PHKG2: variants seen among roughly 807,000 people sequenced by gnomAD.
PHKG2 encodes the protein phosphorylase kinase catalytic subunit gamma 2.
Under a neutral mutation model 44.5 loss-of-function variants are expected in PHKG2, and 28 were observed. The ratio of observed to expected loss-of-function variants is 0.63; its 90% CI spans 0.47 to 0.86. The LOEUF (loss-of-function observed/expected upper bound fraction) is 0.86. Ranked by LOEUF, PHKG2 falls within the 40% of genes least tolerant of loss-of-function variation. The pLI is 0.00. For missense variants in PHKG2, 498 were observed against 547.5 expected, an observed-to-expected ratio of 0.91 and a Z score of 0.90; for synonymous variants, 220 against 211.2, an observed-to-expected ratio of 1.04 and a Z score of -0.36.
chr16:30,753,622 C>T, intron 6 of PHKG2, 65 bp downstream of exon 6: 1 of 1,534,782 alleles, frequency 6.5e-7, no homozygotes. Flanking sequence ...GATTGGTTGG[C>T]TGGGTCTGAG....
intron 2 of PHKG2, 92 bp from the exon 3 acceptor site, chr16:30,751,014 T>G: frequency 7.4e-7 from 1 of 1,354,666 alleles, no homozygotes. Flanking sequence ...CTTCAGAGTC[T>G]GGCACAGCGG....
At chr16:30,756,563 G>T (rs1353967400) in intron 8 of PHKG2, 27 bp from the exon 9 acceptor site, 1 of 1,613,196 alleles carries the variant, frequency 6.2e-7, no homozygotes, top group Non-Finnish European at 8.5e-7. Context: ...CCCAAGAGCT[G>T]CCCCTCATGC....
At chr16:30,755,362 T>A (rs1418184946) in intron 6 of PHKG2, 2 of 157,792 alleles carry the variant, frequency 1.3e-5, no homozygotes, top group Non-Finnish European at 2.8e-5. Flanking sequence ...AACAAAGGAC[T>A]TACCCATTAT....
chr16:30,760,462 G>A lies in PHKG2; in HGVS notation c.*3365G>A. On this transcript the variant is annotated 3_prime_UTR_variant, in exon 10 of 10. Transcript: ENST00000563588. ...GCAGCTCAGCCAGCACCCTTGGGAG[G>A]GAGAGAGGAGTGAGTGACAACTGGG... is the stretch of plus-strand genomic sequence containing the variant. The A allele has an allele frequency of 6.2e-7, 1 of 1,613,624 alleles. No individual in the cohort carries two copies. Among genetic ancestry groups the A allele is most frequent in the Non-Finnish European group, 8.5e-7 (1 of 1,179,686 alleles).
intron 1 of PHKG2, 110 bp from the exon 2 acceptor site, chr16:30,748,693 C>CCCCA: frequency 2.2e-6 from 1 of 448,666 alleles, no homozygotes; most frequent in Non-Finnish European, 4.3e-6. Context: ...CCCCCACCCC[C>CCCCA]CAGGACCCTG....
intron 6 of PHKG2, among the ~76,000 whole-genome samples, chr16:30,753,894 A>G (rs1279892094): frequency 6.6e-6 from 1 of 152,194 alleles, no homozygotes; most frequent in Non-Finnish European, 1.5e-5. Flanking sequence ...TGGGGTCTGG[A>G]GTGCAGGACC....
At chr16:30,754,520 C>CA (rs1245532014) in intron 6 of PHKG2, among the ~76,000 whole-genome samples, 9 of 152,188 alleles carry the variant, frequency 5.9e-5, no homozygotes, top group African/African-American at 2.2e-4. Context: ...CCCTGTGTGA[C>CA]AGACAGTATT....
At position 30,759,485 on chromosome 16, in the gene PHKG2, C is replaced by G. The variant is rs763008720; in HGVS notation, c.*2388C>G. On this transcript the variant is annotated 3_prime_UTR_variant, in exon 10 of 10. Coordinates refer to ENST00000563588, the MANE Select transcript of PHKG2 (RefSeq NM_000294.3). ...TGTGGTGGTGACTCGGAATTAGAAC[C>G]CTGACTACCTTCCGGAGCCCTGGCT... 6 of 1,614,044 alleles carry G rather than the reference C, an allele frequency of 3.7e-6. No homozygotes were observed. The South Asian group carries it at 4.4e-5, about 12-fold the overall frequency.
chr16:30,758,441 T>C lies in PHKG2; in HGVS notation c.*1344T>C, dbSNP rs2053521994. The stretch of plus-strand genomic sequence containing the variant: ...AACATGCAGGTTTGCTACGTAGGTA[T>C]ACATGGGCCATGGTGGTTTGCTTTA... On this transcript the variant is annotated 3_prime_UTR_variant, in exon 10 of 10. Transcript: ENST00000563588. 1 of 160,376 alleles carries C rather than the reference T, an allele frequency of 6.2e-6. No individual in the cohort carries two copies. Among genetic ancestry groups the C allele is most frequent in the South Asian group, 1.6e-4 (1 of 6,156 alleles). The allele number at this position is 160,376 out of a possible 1,614,324, so 9.9% of individuals were successfully genotyped here. A position where few individuals can be genotyped will look rare whatever the true frequency, so the allele number is the denominator to read the frequency against.
intron 2 of PHKG2, among the ~76,000 whole-genome samples, chr16:30,749,536 G>T (rs2053317669): frequency 6.6e-6 from 1 of 151,848 alleles, no homozygotes; most frequent in South Asian, 2.1e-4. Context: ...GTAGAGGCGG[G>T]CGTTTCACCA....
Position 30,753,220 on chromosome 16 carries a change from T to G in PHKG2, c.327-12T>G. 1 of 1,611,226 alleles carries G rather than the reference T, an allele frequency of 6.2e-7. No homozygotes were observed. Among genetic ancestry groups the G allele is most frequent in the South Asian group, 1.1e-5 (1 of 91,004 alleles). On this transcript the variant is annotated splice_polypyrimidine_tract_variant and intron_variant, in intron 4 of 9. Transcript: ENST00000563588. ...GGGATGCAGCTGCCTCCTATGCCCCTCCTTCCCTTAGGATGCGGAAGGGAG... is the reference window on the plus strand; with the variant it reads ...GGGATGCAGCTGCCTCCTATGCCCCGCCTTCCCTTAGGATGCGGAAGGGAG...
In PHKG2 at chr16:30,757,974, G is replaced by T; in HGVS notation, c.*877G>T. 1 of 365,626 alleles carries T rather than the reference G, an allele frequency of 2.7e-6. No individual in the cohort carries two copies. The highest frequency in any genetic ancestry group is 4.5e-6 in the Non-Finnish European group (1 of 223,718). The allele number at this position is 365,626 out of a possible 1,614,324, so 22.6% of individuals were successfully genotyped here. A position where few individuals can be genotyped will look rare whatever the true frequency, so the allele number is the denominator to read the frequency against. ...ATACCTAGCACATAGGATTGAGGGA[G>T]GATTAAATGAGTTAATTTATGTAAA... On this transcript the variant is annotated 3_prime_UTR_variant, in exon 10 of 10. Coordinates refer to ENST00000563588, the MANE Select transcript of PHKG2 (RefSeq NM_000294.3).
rs1410139220 is a variant in PHKG2 at position 30,756,688 on chromosome 16, G to A, written c.900G>A (p.Trp300Ter). 1 of 1,614,014 alleles carries A rather than the reference G, an allele frequency of 6.2e-7. No individual in the cohort carries two copies. The highest frequency in any genetic ancestry group is 8.5e-7 in the Non-Finnish European group (1 of 1,180,014). The change falls in exon 9 of 10, where the codon TGG becomes TGA. Residue 300 changes from tryptophan (W) to a stop codon, truncating the protein, a stop_gained. Transcript: ENST00000563588. LOFTEE classifies it high-confidence loss of function. ...AGCGTTGTGAAGGCAGCCAACCCTG[G>A]AACCTCACCCCCCGCCAGCGGTTCC... ...FFERCEGSQP[W>*]NLTPRQRFRV...
chr16:30,749,426 C>T (rs2053315919), intron 2 of PHKG2, among the ~76,000 whole-genome samples: 1 of 152,204 alleles, frequency 6.6e-6, no homozygotes, highest in Admixed American at 6.5e-5. Context: ...CGGCTCACTA[C>T]AACCTCTGCC....
At position 30,760,727 on chromosome 16, in the gene PHKG2, A is replaced by G; in HGVS notation, c.*3630A>G. The G allele has an allele frequency of 6.8e-7, 1 of 1,471,278 alleles. No homozygotes were observed. The highest frequency in any genetic ancestry group is 9.3e-7 in the Non-Finnish European group (1 of 1,074,870). 91.1% of individuals were successfully genotyped at this position (1,471,278 alleles called of 1,614,324 possible). ...CGTTACCTATCATGACAAGGCTGTGACAGCTAGTGCGTGAGACTGGGAGTT... is the reference window on the plus strand; with the variant it reads ...CGTTACCTATCATGACAAGGCTGTGGCAGCTAGTGCGTGAGACTGGGAGTT... On this transcript the variant is annotated 3_prime_UTR_variant, in exon 10 of 10. Coordinates refer to ENST00000563588, the MANE Select transcript of PHKG2 (RefSeq NM_000294.3).
chr16:30,759,542 G>C lies in PHKG2; in HGVS notation c.*2445G>C. ...CCAAAAGCCCAGCAACAGGAGCAAG[G>C]AGAGCCCACTGGGGTCTTCACAAGA... is the stretch of plus-strand genomic sequence containing the variant. On this transcript the variant is annotated 3_prime_UTR_variant, in exon 10 of 10. Coordinates refer to ENST00000563588, the MANE Select transcript of PHKG2 (RefSeq NM_000294.3). 1 of 1,614,156 alleles carries C rather than the reference G, an allele frequency of 6.2e-7. No homozygotes were observed. The highest frequency in any genetic ancestry group is 8.5e-7 in the Non-Finnish European group (1 of 1,180,026).
At position 30,760,000 on chromosome 16, in the gene PHKG2, T is replaced by A. The variant is rs1190961093; in HGVS notation, c.*2903T>A. On this transcript the variant is annotated 3_prime_UTR_variant, in exon 10 of 10. Transcript: ENST00000563588. ...ATAGATCATTTCAGCTATTAAACATTCTGAAGCAAGAGCTATTAAACATTC... is the reference window on the plus strand; with the variant it reads ...ATAGATCATTTCAGCTATTAAACATACTGAAGCAAGAGCTATTAAACATTC... The A allele has an allele frequency of 1.4e-6, 2 of 1,466,736 alleles. No homozygotes were observed. Among genetic ancestry groups the A allele is most frequent in the Non-Finnish European group, 1.8e-6 (2 of 1,116,270 alleles). The allele number at this position is 1,466,736 out of a possible 1,614,324, so 90.9% of individuals were successfully genotyped here.
Position 30,760,599 on chromosome 16 carries a change from T to G in PHKG2, c.*3502T>G. The G allele has an allele frequency of 8.3e-6, 13 of 1,559,148 alleles. No homozygotes were observed. The highest frequency in any genetic ancestry group is 1.1e-5 in the Non-Finnish European group (13 of 1,150,796). On this transcript the variant is annotated 3_prime_UTR_variant, in exon 10 of 10. Coordinates refer to ENST00000563588, the MANE Select transcript of PHKG2 (RefSeq NM_000294.3). Reference sequence around the variant, plus strand: ...AGAGCTCTTCCCACGCCCCCCTCAGTCCCTACTCCCTCATCTCAGCATTGG... The same window carrying G: ...AGAGCTCTTCCCACGCCCCCCTCAGGCCCTACTCCCTCATCTCAGCATTGG...
At position 30,757,886 on chromosome 16, in the gene PHKG2, G is replaced by A. The variant is rs1176250376; in HGVS notation, c.*789G>A. 1.6e-6 allele frequency: 2 copies of A among 1,240,712 alleles called. No individual in the cohort carries two copies. Among genetic ancestry groups the A allele is most frequent in the Non-Finnish European group, 2.1e-6 (2 of 954,000 alleles). 76.9% of individuals were successfully genotyped at this position (1,240,712 alleles called of 1,614,324 possible). The stretch of plus-strand genomic sequence containing the variant: ...TCTGATCCCTACTCAGTAGCTGTGT[G>A]ACCTTAGGCAGGTTATTTAACCTAT... On this transcript the variant is annotated 3_prime_UTR_variant, in exon 10 of 10. Transcript: ENST00000563588.
Sources: allele counts gnomAD v4.1 joint callset (sites outside exome capture counted in the v4.1 genomes callset), GRCh38; gene constraint gnomAD v4.1.1; transcripts MANE v1.5; gene names NCBI Gene and HGNC (gene_info 2026-07-23, HGNC 2026-07-21).